The following HSD17B6 variants were observed in gnomAD, a reference collection of about 807,000 sequenced individuals.
The protein encoded by HSD17B6 is hydroxysteroid 17-beta dehydrogenase 6.
In HSD17B6, 16 loss-of-function variants were observed where a neutral mutation model predicts 26.4. The observed-to-expected ratio is 0.61, with a 90% CI of 0.41 to 0.92. The LOEUF (loss-of-function observed/expected upper bound fraction) is 0.92. Ranked by LOEUF, HSD17B6 falls within the 40% of genes least tolerant of loss-of-function variation. The pLI is 0.00. For missense variants in HSD17B6, 357 were observed against 386.1 expected, an observed-to-expected ratio of 0.92 and a Z score of 0.63; for synonymous variants, 139 against 153.0, an observed-to-expected ratio of 0.91 and a Z score of 0.68.
At chr12:56,765,351 G>A (rs1304802671) in intron 1 of HSD17B6, among the ~76,000 whole-genome samples, 3 of 151,918 alleles carry the variant, frequency 2.0e-5, no homozygotes, top group South Asian at 2.1e-4. Flanking sequence ...CCGGAGGATC[G>A]CTGGAACCTG....
chr12:56,778,750 C>T (rs1383234675), intron 2 of HSD17B6, among the ~76,000 whole-genome samples: 5 of 150,482 alleles, frequency 3.3e-5, no homozygotes, highest in African/African-American at 7.4e-5. Flanking sequence ...TCTCGGCTCA[C>T]GGCAAGCTCC....
intron 2 of HSD17B6, among the ~76,000 whole-genome samples, chr12:56,774,383 T>A (rs1054202261): frequency 1.3e-5 from 2 of 152,162 alleles, no homozygotes; most frequent in South Asian, 2.1e-4. Context: ...CTGGGTTACA[T>A]AAAATACTAA....
intron 1 of HSD17B6, among the ~76,000 whole-genome samples, chr12:56,768,277 T>A (rs1046321788): frequency 2.6e-5 from 4 of 152,038 alleles, no homozygotes; most frequent in Admixed American, 2.0e-4. Flanking sequence ...TGCTAATAGG[T>A]CCTTGGTGAG....
chr12:56,783,365 C>T (rs1377590670), intron 3 of HSD17B6, among the ~76,000 whole-genome samples: 1 of 121,142 alleles, frequency 8.3e-6, no homozygotes, highest in East Asian at 2.8e-4. Flanking sequence ...GGGCAGGGGG[C>T]TGAGCCCCCC....
intron 1 of HSD17B6, among the ~76,000 whole-genome samples, chr12:56,769,793 G>A (rs946845415): frequency 2.0e-5 from 3 of 152,104 alleles, no homozygotes; most frequent in African/African-American, 4.8e-5. Flanking sequence ...ACGCCACTTC[G>A]GGTATTTGGA....
At chr12:56,775,823 A>G (rs1478164804) in intron 2 of HSD17B6, among the ~76,000 whole-genome samples, 3 of 152,210 alleles carry the variant, frequency 2.0e-5, no homozygotes, top group Admixed American at 6.5e-5. Context: ...TCAGTTCCCT[A>G]AAAGTCCCTC....
At chr12:56,774,887 C>T (rs1954557199) in intron 2 of HSD17B6, among the ~76,000 whole-genome samples, 1 of 152,224 alleles carries the variant, frequency 6.6e-6, no homozygotes, top group Non-Finnish European at 1.5e-5. Flanking sequence ...GTCTGCTGCT[C>T]ACCTCCTGCT....
intron 2 of HSD17B6, among the ~76,000 whole-genome samples, chr12:56,779,139 ATTTTAT>A (rs1460443297): frequency 2.6e-4 from 39 of 150,880 alleles, no homozygotes; most frequent in African/African-American, 9.5e-4. Context: ...TATTATTATT[ATTTTAT>A]TTTTTTTTAG....
chr12:56,787,296 A>T lies in HSD17B6; in HGVS notation c.908A>T (p.Asp303Val). The T allele has an allele frequency of 6.2e-7, 1 of 1,614,178 alleles. No individual in the cohort carries two copies. The highest frequency in any genetic ancestry group is 1.7e-5 in the Admixed American group (1 of 60,020). ...TCTTATTTACCTACATCACTGGCAG[A>T]CTACATTTTGACTAGATCTTGGCCC... The part of the protein sequence containing the change: ...PLSYLPTSLA[D>V]YILTRSWPKP... Residue 303 changes from aspartate (D) to valine (V), a missense_variant, in exon 5 of 5, where the codon GAC (aspartate) becomes GTC (valine). By Grantham distance (152) the Asp-to-Val change is radical (BLOSUM62 -3). Transcript: ENST00000322165.
intron 1 of HSD17B6, among the ~76,000 whole-genome samples, chr12:56,770,929 G>A (rs1179345007): frequency 2.6e-5 from 4 of 152,134 alleles, no homozygotes; most frequent in Admixed American, 2.6e-4. Context: ...GCATTGCTCA[G>A]ATCACTCAAG....
chr12:56,783,374 C>CT (rs1370153723), intron 3 of HSD17B6, among the ~76,000 whole-genome samples: 3 of 123,224 alleles, frequency 2.4e-5, no homozygotes, highest in Non-Finnish European at 5.3e-5. Flanking sequence ...GCTGAGCCCC[C>CT]CACCTCCCTC....
chr12:56,787,010 C>A, intron 4 of HSD17B6, 115 bp from the exon 5 acceptor site: 1 of 757,584 alleles, frequency 1.3e-6, no homozygotes. Context: ...TTGGGATGCA[C>A]ATTCTAGATC....
intron 1 of HSD17B6, among the ~76,000 whole-genome samples, chr12:56,763,653 A>C (rs923989599): frequency 6.6e-6 from 1 of 151,924 alleles, no homozygotes; most frequent in African/African-American, 2.4e-5. Context: ...ACAAGTTGGG[A>C]GTGATTTCAT....
intron 2 of HSD17B6, among the ~76,000 whole-genome samples, chr12:56,775,833 C>T (rs1257531518): frequency 2.6e-5 from 4 of 152,144 alleles, no homozygotes; most frequent in Non-Finnish European, 4.4e-5. Flanking sequence ...AAAAGTCCCT[C>T]GTGCTTTACA....
chr12:56,786,026 C>T (rs1954865850), intron 4 of HSD17B6: 11 of 822,760 alleles, frequency 1.3e-5, no homozygotes, highest in Non-Finnish European at 1.6e-5. Flanking sequence ...TACAGGGTTT[C>T]TTTTTGGGAT....
chr12:56,773,744 C>T (rs776589848), intron 1 of HSD17B6, 90 bp from the exon 2 acceptor site: 20 of 1,211,312 alleles, frequency 1.7e-5, no homozygotes, highest in Middle Eastern at 2.8e-4. Context: ...TCCCTATCAC[C>T]TAGTGCAATG....
intron 1 of HSD17B6, among the ~76,000 whole-genome samples, chr12:56,764,458 T>A (rs914920326): frequency 1.3e-5 from 2 of 152,184 alleles, no homozygotes; most frequent in Admixed American, 6.5e-5. Context: ...TGTTGCAATA[T>A]GTGGAGTTAT....
rs1318640829 is a variant in HSD17B6 at position 56,784,840 on chromosome 12, G to T, written c.573-13G>T. The T allele has an allele frequency of 2.5e-6, 4 of 1,610,160 alleles. No individual in the cohort carries two copies. In the South Asian group the frequency reaches 4.4e-5, roughly 18 times the overall value. On this transcript the variant is annotated splice_polypyrimidine_tract_variant and intron_variant, in intron 3 of 4. Coordinates refer to ENST00000322165, the MANE Select transcript of HSD17B6 (RefSeq NM_003725.4). The stretch of plus-strand genomic sequence containing the variant: ...GGTGGTCTTTAATCATAACTTGTGG[G>T]GTTTTATTTCAGGCGTGAGATTCAA...
intron 1 of HSD17B6, among the ~76,000 whole-genome samples, chr12:56,764,903 C>T (rs369555620): frequency 3.9e-5 from 6 of 152,100 alleles, no homozygotes; most frequent in South Asian, 2.1e-4. Flanking sequence ...CAGCTCATTG[C>T]GGCCTCTGCC....
Sources: allele counts gnomAD v4.1 joint callset (sites outside exome capture counted in the v4.1 genomes callset), GRCh38; gene constraint gnomAD v4.1.1; transcripts MANE v1.5; gene names NCBI Gene and HGNC (gene_info 2026-07-23, HGNC 2026-07-21).